Variants in JARID2 observed in about 807,000 individuals in gnomAD.
JARID2 encodes the protein jumonji and AT-rich interaction domain containing 2.
Under a neutral mutation model 125.6 loss-of-function variants are expected in JARID2, and 21 were observed. The ratio of observed to expected loss-of-function variants is 0.17; its 90% CI spans 0.12 to 0.24. The LOEUF is 0.24. Ranked by LOEUF, JARID2 falls within the 10% of genes least tolerant of loss-of-function variation. The pLI is 1.00. For synonymous variants in JARID2, 736 were observed against 661.6 expected (o/e 1.11, Z -1.73); for missense variants, 1,303 against 1,639.6 (o/e 0.79, Z 3.55).
At chr6:15,483,104 T>A (rs9383062) in intron 5 of JARID2, among the ~76,000 whole-genome samples, 7 of 152,068 alleles carry the variant, frequency 4.6e-5, no homozygotes, top group Non-Finnish European at 8.8e-5. Flanking sequence ...GAAAAAAATC[T>A]AGTAACTAAG....
chr6:15,304,306 C>A (rs1331909253), intron 1 of JARID2, among the ~76,000 whole-genome samples: 1 of 59,192 alleles, frequency 1.7e-5, no homozygotes, highest in Non-Finnish European at 3.8e-5. Context: ...TTGCTGATCC[C>A]CCCCCCCCCC....
chr6:15,309,815 C>T (rs1208615692), intron 1 of JARID2, among the ~76,000 whole-genome samples: 3 of 151,842 alleles, frequency 2.0e-5, no homozygotes, highest in Non-Finnish European at 4.4e-5. Context: ...TGGGATTGGC[C>T]AGTAGTGTGT....
Position 15,490,969 on chromosome 6 carries a change from T to G in JARID2, c.906+3427T>G, listed in dbSNP as rs1341688345. On this transcript the variant is annotated intron_variant, in intron 6 of 17. Transcript: ENST00000341776. ...ATGATCAACTGGCTAATCCCACTGG[T>G]TTTGCAGGACCTTCCATTGAGCTAT... Among the ~76,000 whole-genome samples the G allele has an allele frequency of 2.0e-5, 3 of 152,310 alleles. No individual in the cohort carries two copies. In the East Asian group the frequency reaches 5.8e-4, roughly 29 times the overall value.
intron 1 of JARID2, among the ~76,000 whole-genome samples, chr6:15,298,047 C>T (rs1761476491): frequency 6.6e-6 from 1 of 152,106 alleles, no homozygotes; most frequent in Non-Finnish European, 1.5e-5. Flanking sequence ...CTTTCCTCTT[C>T]TTAGGAGCTC....
chr6:15,346,225 T>C (rs142235331), intron 1 of JARID2, among the ~76,000 whole-genome samples: 110 of 152,380 alleles, frequency 7.2e-4, no homozygotes, highest in African/African-American at 2.6e-3. Flanking sequence ...GATATTCATT[T>C]ATTCATTAGG....
intron 1 of JARID2, among the ~76,000 whole-genome samples, chr6:15,304,924 C>T (rs570137457): frequency 5.9e-5 from 9 of 151,966 alleles, no homozygotes; most frequent in East Asian, 3.9e-4. Context: ...GCATGTGTTT[C>T]GCTCTCTTTA....
chr6:15,473,514 G>GCCGCCCCCCCCCCC (rs1451318951), intron 5 of JARID2, among the ~76,000 whole-genome samples: 1 of 35,000 alleles, frequency 2.9e-5, no homozygotes, highest in Admixed American at 4.5e-4. Context: ...TGATGTGCGT[G>GCCGCCCCCCCCCCC]CCCCCCCCCC....
chr6:15,390,712 C>T (rs1010187929), intron 2 of JARID2, among the ~76,000 whole-genome samples: 5 of 152,154 alleles, frequency 3.3e-5, no homozygotes, highest in Non-Finnish European at 5.9e-5. Flanking sequence ...TCCTTGGATC[C>T]ATGAATACAG....
At chr6:15,258,207 C>T (rs1305808594) in intron 1 of JARID2, among the ~76,000 whole-genome samples, 1 of 152,184 alleles carries the variant, frequency 6.6e-6, no homozygotes, top group African/African-American at 2.4e-5. Flanking sequence ...TTACCATGTT[C>T]TGACACTGTG....
intron 3 of JARID2, among the ~76,000 whole-genome samples, chr6:15,412,373 A>G (rs1039247085): frequency 3.9e-5 from 6 of 152,060 alleles, no homozygotes; most frequent in African/African-American, 1.4e-4. Context: ...TGGTGGTGCA[A>G]TCTCAGCTCA....
At position 15,520,253 on chromosome 6, in the gene JARID2, G is replaced by C. The variant is rs2127778641; in HGVS notation, c.*2G>C. The stretch of plus-strand genomic sequence containing the variant: ...AAAAGTGCTTCGAGCTCATCATGAA[G>C]ATGCCAACGCCCGTGGTCGATTTAT... On this transcript the variant is annotated 3_prime_UTR_variant, in exon 18 of 18. Transcript: ENST00000341776. 1 of 1,590,414 alleles carries C rather than the reference G, an allele frequency of 6.3e-7. No homozygotes were observed. The highest frequency in any genetic ancestry group is 1.8e-5 in the Admixed American group (1 of 55,148).
At chr6:15,355,272 A>G (rs1418012950) in intron 1 of JARID2, among the ~76,000 whole-genome samples, 3 of 152,240 alleles carry the variant, frequency 2.0e-5, no homozygotes, top group South Asian at 2.1e-4. Context: ...ACTTGATAAC[A>G]TCAAAAAATG....
At chr6:15,324,479 C>G (rs936128230) in intron 1 of JARID2, 2 of 151,888 alleles carry the variant, frequency 1.3e-5, no homozygotes, top group African/African-American at 2.4e-5. Flanking sequence ...GCACTATGAC[C>G]CCCCTCCTTT....
intron 1 of JARID2, among the ~76,000 whole-genome samples, chr6:15,287,414 G>A (rs762877871): frequency 6.6e-6 from 1 of 152,128 alleles, no homozygotes; most frequent in South Asian, 2.1e-4. Context: ...CTCATAGTGG[G>A]TCTAATTATT....
intron 1 of JARID2, among the ~76,000 whole-genome samples, chr6:15,304,491 T>G (rs1175816267): frequency 2.0e-5 from 3 of 152,086 alleles, no homozygotes; most frequent in Non-Finnish European, 2.9e-5. Flanking sequence ...AGCTCATGGT[T>G]ACAGTCCTTC....
chr6:15,336,424 T>A (rs1356104384), intron 1 of JARID2, among the ~76,000 whole-genome samples: 1 of 152,266 alleles, frequency 6.6e-6, no homozygotes, highest in South Asian at 2.1e-4. Context: ...CAAAAAGTAA[T>A]GCTTGCTAAC....
intron 3 of JARID2, among the ~76,000 whole-genome samples, chr6:15,417,775 A>T (rs1766300426): frequency 6.6e-6 from 1 of 152,194 alleles, no homozygotes; most frequent in Non-Finnish European, 1.5e-5. Flanking sequence ...AAATAAATAA[A>T]AAATTCTCAT....
intron 1 of JARID2, among the ~76,000 whole-genome samples, chr6:15,358,847 A>C (rs1763694131): frequency 1.3e-5 from 2 of 152,170 alleles, no homozygotes; most frequent in Admixed American, 1.3e-4. Context: ...CAGGAGGCTG[A>C]TTTGGGAGAT....
intron 1 of JARID2, among the ~76,000 whole-genome samples, chr6:15,315,467 A>C (rs1330641854): frequency 6.6e-6 from 1 of 152,180 alleles, no homozygotes; most frequent in Non-Finnish European, 1.5e-5. Flanking sequence ...TTTGATCTTT[A>C]CTGTGGGAAT....
Sources: allele counts gnomAD v4.1 joint callset (sites outside exome capture counted in the v4.1 genomes callset), GRCh38; gene constraint gnomAD v4.1.1; transcripts MANE v1.5; gene names NCBI Gene and HGNC (gene_info 2026-07-23, HGNC 2026-07-21).